The following PRKG1 variants were observed in gnomAD, a reference collection of about 807,000 sequenced individuals.
The protein encoded by PRKG1 is protein kinase cGMP-dependent 1, also known as cGMP-dependent protein kinase 1.
PRKG1 carries 35 observed loss-of-function variants against 88.1 expected under a neutral mutation model. That is an observed-to-expected ratio of 0.40 (90% CI 0.30 to 0.53). The LOEUF is 0.53. PRKG1 is among the 20% of genes least tolerant of loss of function. The pLI, the probability that PRKG1 is intolerant of heterozygous loss-of-function variation, is 0.59. For missense variants in PRKG1, 540 were observed against 839.8 expected, an observed-to-expected ratio of 0.64 and a Z score of 4.41; for synonymous variants, 303 against 292.5, an observed-to-expected ratio of 1.04 and a Z score of -0.37.
intron 3 of PRKG1, among the ~76,000 whole-genome samples, chr10:51,560,923 A>T (rs1288933692): frequency 1.3e-5 from 2 of 151,966 alleles, no homozygotes; most frequent in Non-Finnish European, 2.9e-5. Flanking sequence ...AACTAAAATA[A>T]ATTCTGCAAG....
intron 8 of PRKG1, among the ~76,000 whole-genome samples, chr10:52,146,531 AGC>A (rs1837732885): frequency 1.3e-5 from 2 of 152,202 alleles, no homozygotes; most frequent in Non-Finnish European, 2.9e-5. Context: ...AGCTTCACAT[AGC>A]CAAACTGTCA....
intron 2 of PRKG1, among the ~76,000 whole-genome samples, chr10:51,176,948 C>T (rs9415775): frequency 0.066 from 10,002 of 152,056 alleles, 693 homozygotes; most frequent in African/African-American, 0.17. Context: ...AGCAAAAGTT[C>T]GTGGTAAATG....
chr10:52,128,839 A>G (rs1837174755), intron 7 of PRKG1, among the ~76,000 whole-genome samples: 1 of 152,192 alleles, frequency 6.6e-6, no homozygotes, highest in Admixed American at 6.5e-5. Flanking sequence ...GTGAGATTTT[A>G]TTTTTAGAGA....
intron 9 of PRKG1, among the ~76,000 whole-genome samples, chr10:52,189,502 T>C (rs1839309759): frequency 1.3e-5 from 2 of 152,188 alleles, no homozygotes; most frequent in Admixed American, 6.5e-5. Flanking sequence ...ATCCGCGGCA[T>C]TAGATTCTCA....
intron 8 of PRKG1, among the ~76,000 whole-genome samples, chr10:52,135,092 A>C (rs915287909): frequency 5.3e-5 from 8 of 152,090 alleles, no homozygotes; most frequent in Middle Eastern, 3.2e-3. Flanking sequence ...CATATACAAA[A>C]ATAACCATGA....
chr10:52,069,621 GATT>G (rs757348641), intron 7 of PRKG1, among the ~76,000 whole-genome samples: 2 of 152,076 alleles, frequency 1.3e-5, no homozygotes, highest in Non-Finnish European at 2.9e-5. Flanking sequence ...ATTTGAATTT[GATT>G]ATTATTTATT....
intron 5 of PRKG1, among the ~76,000 whole-genome samples, chr10:52,049,099 G>A (rs12256519): frequency 0.11 from 16,830 of 152,112 alleles, 1,069 homozygotes; most frequent in South Asian, 0.2. Context: ...TGGTTATCAC[G>A]CAGTCATTAA....
At chr10:51,715,939 T>C (rs1162498321) in intron 3 of PRKG1, among the ~76,000 whole-genome samples, 2 of 152,242 alleles carry the variant, frequency 1.3e-5, no homozygotes, top group African/African-American at 2.4e-5. Context: ...TAGGCATTCA[T>C]AGACATGGGG....
upstream of PRKG1, among the ~76,000 whole-genome samples, chr10:51,070,591 C>T (rs1393918639): frequency 6.6e-6 from 1 of 152,120 alleles, no homozygotes; most frequent in Non-Finnish European, 1.5e-5. Context: ...AAAATTAGCA[C>T]AGTTCTTTTG....
chr10:51,544,644 A>G (rs1842401480), intron 3 of PRKG1, among the ~76,000 whole-genome samples: 1 of 152,106 alleles, frequency 6.6e-6, no homozygotes, highest in Non-Finnish European at 1.5e-5. Flanking sequence ...GTCTTCCACA[A>G]TTGTTGAACT....
chr10:52,078,788 C>G (rs1407244079), intron 7 of PRKG1, among the ~76,000 whole-genome samples: 1 of 152,170 alleles, frequency 6.6e-6, no homozygotes, highest in East Asian at 1.9e-4. Flanking sequence ...GTCTAAATAT[C>G]CTGAAAAGTG....
At chr10:51,067,638 A>C (rs1212198147) in intron 1 of PRKG1, among the ~76,000 whole-genome samples, 1 of 152,020 alleles carries the variant, frequency 6.6e-6, no homozygotes, top group East Asian at 1.9e-4. Context: ...TCTGGGGAAA[A>C]ATTAGATGAA....
At chr10:51,028,364 C>T (rs759567814) in intron 1 of PRKG1, among the ~76,000 whole-genome samples, 5 of 152,126 alleles carry the variant, frequency 3.3e-5, no homozygotes, top group Non-Finnish European at 7.3e-5. Context: ...AGGTCACAAT[C>T]CAGGGCCATA....
chr10:51,847,500 G>C (rs1468687774), intron 4 of PRKG1, among the ~76,000 whole-genome samples: 2 of 151,602 alleles, frequency 1.3e-5, no homozygotes, highest in Non-Finnish European at 2.9e-5. Flanking sequence ...ACCAATATAT[G>C]TAATTACTCA....
At chr10:51,773,359 C>A (rs1256612700) in intron 3 of PRKG1, among the ~76,000 whole-genome samples, 2 of 152,004 alleles carry the variant, frequency 1.3e-5, no homozygotes, top group Non-Finnish European at 2.9e-5. Context: ...TCCATGGAAT[C>A]TTGATTCATG....
intron 1 of PRKG1, among the ~76,000 whole-genome samples, chr10:51,022,897 T>A (rs1236753395): frequency 6.6e-6 from 1 of 152,172 alleles, no homozygotes; most frequent in Admixed American, 6.6e-5. Flanking sequence ...CCTGGGAGGC[T>A]GAGGCAGGAG....
At chr10:51,039,207 A>G (rs904025887) in intron 1 of PRKG1, among the ~76,000 whole-genome samples, 1 of 152,198 alleles carries the variant, frequency 6.6e-6, no homozygotes. Context: ...CCAACAGTGT[A>G]TGATGGTTCC....
chr10:51,621,712 C>T (rs1190272511), intron 3 of PRKG1, among the ~76,000 whole-genome samples: 2 of 152,160 alleles, frequency 1.3e-5, no homozygotes, highest in Non-Finnish European at 2.9e-5. Flanking sequence ...TATTTCTGCT[C>T]TAGAATATTC....
intron 1 of PRKG1, among the ~76,000 whole-genome samples, chr10:51,145,338 A>C (rs1290097192): frequency 1.4e-5 from 2 of 146,404 alleles, no homozygotes; most frequent in Non-Finnish European, 3.0e-5. Context: ...TAGACATATA[A>C]ATATCTGACA....
Sources: allele counts gnomAD v4.1 joint callset (sites outside exome capture counted in the v4.1 genomes callset), GRCh38; gene constraint gnomAD v4.1.1; transcripts MANE v1.5; gene names NCBI Gene and HGNC (gene_info 2026-07-23, HGNC 2026-07-21).